SCAPER: variants seen among roughly 807,000 people sequenced by gnomAD.
SCAPER encodes S-phase cyclin A associated protein in the ER.
Under a neutral mutation model 182.2 loss-of-function variants are expected in SCAPER, and 98 were observed. The ratio of observed to expected loss-of-function variants is 0.54; its 90% confidence interval spans 0.46 to 0.64. SCAPER has a LOEUF of 0.64. Ranked by LOEUF, SCAPER falls within the 30% of genes least tolerant of loss-of-function variation. The pLI, the probability that SCAPER is intolerant of heterozygous loss-of-function variation, is 0.00. For synonymous variants in SCAPER, 605 were observed against 564.6 expected, an observed-to-expected ratio of 1.07 and a Z score of -1.01; for missense variants, 1,432 against 1,690.0, an observed-to-expected ratio of 0.85 and a Z score of 2.68.
At chr15:76,904,270 A>G (rs1208230132) in intron 1 of SCAPER, among the ~76,000 whole-genome samples, 1 of 152,204 alleles carries the variant, frequency 6.6e-6, no homozygotes, top group East Asian at 1.9e-4. Context: ...CCATTCATAA[A>G]ATAAGTATTA....
chr15:76,670,255 G>C (rs1018426375), intron 20 of SCAPER, among the ~76,000 whole-genome samples: 2 of 151,758 alleles, frequency 1.3e-5, no homozygotes, highest in African/African-American at 4.8e-5. Flanking sequence ...TCCAGACATT[G>C]TTCTTTGCAC....
intron 21 of SCAPER, among the ~76,000 whole-genome samples, chr15:76,660,376 C>G (rs2056037199): frequency 6.6e-6 from 1 of 152,032 alleles, no homozygotes; most frequent in Admixed American, 6.6e-5. Flanking sequence ...GCCCAAATAC[C>G]CCTGAACCTA....
At chr15:76,775,140 A>T (rs773329102) in intron 8 of SCAPER, 23 bp from the exon 9 acceptor site, 15 of 1,554,940 alleles carry the variant, frequency 9.6e-6, no homozygotes, top group African/African-American at 1.4e-5. Flanking sequence ...AGTAAAAAAC[A>T]AATCAAGATT....
intron 1 of SCAPER, among the ~76,000 whole-genome samples, chr15:76,886,763 A>G (rs553596111): frequency 4.6e-5 from 7 of 152,350 alleles, no homozygotes; most frequent in Admixed American, 2.0e-4. Context: ...AATGCCCTCA[A>G]TGATTGACTG....
intron 21 of SCAPER, among the ~76,000 whole-genome samples, chr15:76,652,849 C>G (rs1384546073): frequency 6.6e-6 from 1 of 151,940 alleles, no homozygotes; most frequent in African/African-American, 2.4e-5. Context: ...CACTCCTATC[C>G]AACACAGAAC....
intron 20 of SCAPER, among the ~76,000 whole-genome samples, chr15:76,667,020 T>C (rs1467789501): frequency 6.6e-6 from 1 of 152,242 alleles, no homozygotes; most frequent in African/African-American, 2.4e-5. Flanking sequence ...AAAGGATTCT[T>C]GTTTGTATGT....
rs1453702141 is a variant in SCAPER at position 76,381,664 on chromosome 15, T to A, written c.3468-49A>T. ...TTGAGAAAAACTACTTAATGGATGTTAGCAATTTGTATAGGTTAAATGAAA... is the reference window on the plus strand; with the variant it reads ...TTGAGAAAAACTACTTAATGGATGTAAGCAATTTGTATAGGTTAAATGAAA... On this transcript the variant is annotated intron_variant, in intron 27 of 31. Coordinates refer to ENST00000563290, the MANE Select transcript of SCAPER (RefSeq NM_020843.4). 5 of 1,397,122 alleles carry A rather than the reference T, an allele frequency of 3.6e-6. No individual in the cohort carries two copies. The Admixed American group carries it at 6.0e-5, about 17-fold the overall frequency. The allele number at this position is 1,397,122 out of a possible 1,614,324, so 86.5% of individuals were successfully genotyped here. A position where few individuals can be genotyped will look rare whatever the true frequency, so the allele number is the denominator to read the frequency against.
intron 23 of SCAPER, among the ~76,000 whole-genome samples, chr15:76,530,809 G>C (rs1227161922): frequency 1.3e-5 from 2 of 152,218 alleles, no homozygotes; most frequent in African/African-American, 4.8e-5. Context: ...GGAAGAGAGA[G>C]ACAGAGGGAG....
In SCAPER at chr15:76,768,217, T is replaced by TA. The variant is rs541211891; in HGVS notation, c.1249-1130dup. 5.7e-4 allele frequency among the ~76,000 whole-genome samples: 87 copies of TA among 151,940 alleles called. No individual in the cohort carries two copies. In the South Asian group the frequency reaches 0.017, roughly 30 times the overall value. On this transcript the variant is annotated intron_variant, in intron 10 of 31. Coordinates refer to ENST00000563290, the MANE Select transcript of SCAPER (RefSeq NM_020843.4). ...CTCCTAGATATATATCCAGGAGAAA[T>TA]AAAAAATGTGCCCACACAAAAACTG...
At chr15:76,803,167 G>C (rs1005713442) in intron 6 of SCAPER, among the ~76,000 whole-genome samples, 4 of 152,150 alleles carry the variant, frequency 2.6e-5, no homozygotes, top group Non-Finnish European at 4.4e-5. Context: ...TGTGGTCCTA[G>C]CCTAGCTCTC....
intron 26 of SCAPER, among the ~76,000 whole-genome samples, chr15:76,414,327 G>C (rs967459669): frequency 6.6e-6 from 1 of 151,848 alleles, no homozygotes; most frequent in African/African-American, 2.4e-5. Flanking sequence ...TTTCTGTTTT[G>C]GTGGAATAAC....
chr15:76,470,865 C>G (rs2050101022), intron 25 of SCAPER, among the ~76,000 whole-genome samples: 1 of 152,148 alleles, frequency 6.6e-6, no homozygotes. Context: ...TCCTAACATT[C>G]TTCCTTTCTA....
At chr15:76,384,058 C>T (rs563177707) in intron 27 of SCAPER, among the ~76,000 whole-genome samples, 74 of 152,260 alleles carry the variant, frequency 4.9e-4, no homozygotes, top group African/African-American at 1.8e-3. Flanking sequence ...AGGGGTCAGA[C>T]CCTGACTAGA....
At chr15:76,818,656 G>A (rs995976543) in intron 5 of SCAPER, among the ~76,000 whole-genome samples, 12 of 152,216 alleles carry the variant, frequency 7.9e-5, no homozygotes, top group South Asian at 6.2e-4. Context: ...AGCTCCCAGC[G>A]TGAGCGACGC....
intron 11 of SCAPER, among the ~76,000 whole-genome samples, chr15:76,766,258 A>T (rs1215219394): frequency 1.3e-5 from 2 of 151,934 alleles, no homozygotes; most frequent in Non-Finnish European, 1.5e-5. Context: ...CACCACGCCC[A>T]GCTAATTTTT....
intron 26 of SCAPER, among the ~76,000 whole-genome samples, chr15:76,418,721 C>T (rs527764239): frequency 6.6e-6 from 1 of 152,376 alleles, no homozygotes; most frequent in East Asian, 1.9e-4. Flanking sequence ...GGTGGCATCC[C>T]ACCCAACAAT....
chr15:76,763,851 A>G (rs2062946034), intron 14 of SCAPER, among the ~76,000 whole-genome samples: 1 of 151,766 alleles, frequency 6.6e-6, no homozygotes, highest in African/African-American at 2.4e-5. Context: ...TTTTGTTTTT[A>G]TGTTGTTTTC....
intron 14 of SCAPER, among the ~76,000 whole-genome samples, chr15:76,762,228 G>A (rs2062832644): frequency 6.6e-6 from 1 of 152,044 alleles, no homozygotes; most frequent in South Asian, 2.1e-4. Flanking sequence ...TGATTGGGGA[G>A]TTTAATCCAT....
At chr15:76,402,375 A>C (rs1321733374) in intron 27 of SCAPER, among the ~76,000 whole-genome samples, 1 of 152,228 alleles carries the variant, frequency 6.6e-6, no homozygotes, top group African/African-American at 2.4e-5. Context: ...AGAGAAATAC[A>C]GAAAGCCATT....
Sources: gnomAD v4.1 joint callset for allele counts (sites outside exome capture counted in the v4.1 genomes callset) on GRCh38, gnomAD v4.1.1 for gene constraint, MANE v1.5 for transcripts, NCBI Gene and HGNC (gene_info 2026-07-23, HGNC 2026-07-21) for gene names.